Variants in KATNIP observed in about 807,000 individuals in gnomAD.
The protein encoded by KATNIP is katanin interacting protein.
Under a neutral mutation model 174.0 loss-of-function variants are expected in KATNIP, and 126 were observed. The observed-to-expected ratio is 0.72, with a 90% confidence interval of 0.63 to 0.84. KATNIP has a LOEUF of 0.84. KATNIP is among the 40% of genes least tolerant of loss of function. The pLI is 0.00. For synonymous variants in KATNIP, 810 were observed against 835.7 expected, an observed-to-expected ratio of 0.97 and a Z score of 0.53; for missense variants, 1,958 against 2,109.7, an observed-to-expected ratio of 0.93 and a Z score of 1.41.
chr16:27,596,532 T>C (rs566018124), intron 2 of KATNIP, among the ~76,000 whole-genome samples: 1 of 152,298 alleles, frequency 6.6e-6, no homozygotes, highest in South Asian at 2.1e-4. Context: ...TGTGGGACCA[T>C]TGACAACTTT....
chr16:27,695,208 C>G (rs1325596588), intron 8 of KATNIP, among the ~76,000 whole-genome samples: 1 of 152,222 alleles, frequency 6.6e-6, no homozygotes, highest in Non-Finnish European at 1.5e-5. Context: ...GCTTTCACCT[C>G]CTTTCAGTCT....
At chr16:27,743,012 A>G (rs2081164462) in intron 15 of KATNIP, among the ~76,000 whole-genome samples, 1 of 151,896 alleles carries the variant, frequency 6.6e-6, no homozygotes, top group Non-Finnish European at 1.5e-5. Flanking sequence ...CCCTCCTCCC[A>G]CTACACCCCC....
intron 2 of KATNIP, among the ~76,000 whole-genome samples, chr16:27,597,402 CTTTTTTTTTTTTTTTT>C (rs36005993): frequency 1.5e-4 from 7 of 46,144 alleles, no homozygotes; most frequent in Admixed American, 3.4e-4. Context: ...ATTTTCTTTT[CTTTTTTTTTTTTTTTT>C]TTTTTTTTTT....
chr16:27,776,964 A>G lies in KATNIP; in HGVS notation c.4486A>G (p.Thr1496Ala), dbSNP rs1282669384. ...RVYVIFDLPT[T>A]VSMIKLWNYA... ...TTATGTGATTTTCGATCTGCCTACC[A>G]CCGTGTCAATGATCAAACTGTGGAA... Residue 1496 changes from threonine (T) to alanine (A), a missense_variant, in exon 25 of 28, where the codon ACC (threonine) becomes GCC (alanine). This residue lies in a region of KATNIP where 383 missense variants were observed against 456.0 expected (regional missense o/e 0.84). Transcript: ENST00000261588. The surrounding 1 kb of genome is among the most constrained non-coding windows in gnomAD (Gnocchi z 4.7). 1.9e-6 allele frequency: 3 copies of G among 1,613,852 alleles called. No homozygotes were observed. The African/African-American group carries it at 4.0e-5, about 22-fold the overall frequency.
intron 6 of KATNIP, among the ~76,000 whole-genome samples, chr16:27,670,719 C>T (rs1052930573): frequency 2.0e-5 from 3 of 152,122 alleles, no homozygotes; most frequent in East Asian, 3.9e-4. Flanking sequence ...CACCATTCCC[C>T]GCCACTCCTC....
chr16:27,661,967 T>TACAC (rs2077510419), intron 6 of KATNIP, among the ~76,000 whole-genome samples: 2 of 51,772 alleles, frequency 3.9e-5, no homozygotes, highest in African/African-American at 2.0e-4. Flanking sequence ...CACATACATA[T>TACAC]ATATATATAT....
chr16:27,593,741 C>T (rs1000393844), intron 2 of KATNIP, among the ~76,000 whole-genome samples: 2 of 152,166 alleles, frequency 1.3e-5, no homozygotes, highest in African/African-American at 4.8e-5. Flanking sequence ...CTCCTGAGCT[C>T]AATTAATCCT....
At chr16:27,751,977 C>G in intron 17 of KATNIP, 53 bp downstream of exon 17, 1 of 1,460,692 alleles carries the variant, frequency 6.8e-7, no homozygotes, top group South Asian at 1.3e-5. Flanking sequence ...GTTTCTTCCC[C>G]TAACTCAGAG....
Position 27,690,340 on chromosome 16 carries a change from AGATAGATAGATAGATAGATAGAT to A in KATNIP, c.941-7964_941-7942del, listed in dbSNP as rs1305236412. On this transcript the variant is annotated intron_variant, in intron 8 of 27. Coordinates refer to ENST00000261588, the MANE Select transcript of KATNIP (RefSeq NM_015202.5). ...CAGATAGATAGATAGATAGATAGAT[AGATAGATAGATAGATAGATAGAT>A]GATAGATAGATAGATAGATAGATAG... Among the ~76,000 whole-genome samples, 1,299 of 134,612 alleles carry A rather than the reference AGATAGATAGATAGATAGATAGAT, an allele frequency of 9.6e-3. 16 individuals are homozygous for A. Among genetic ancestry groups the A allele is most frequent in the African/African-American group, 0.027 (1,002 of 37,088 alleles). The allele number at this position is 134,612 out of a possible 152,430, so 88.3% of individuals were successfully genotyped here.
At chr16:27,710,828 T>C (rs1029231891) in intron 13 of KATNIP, among the ~76,000 whole-genome samples, 1 of 152,188 alleles carries the variant, frequency 6.6e-6, no homozygotes, top group African/African-American at 2.4e-5. Flanking sequence ...TTATTAATAG[T>C]ATTAATACCA....
intron 8 of KATNIP, among the ~76,000 whole-genome samples, chr16:27,688,048 G>A (rs571544281): frequency 6.6e-4 from 100 of 152,302 alleles, no homozygotes; most frequent in African/African-American, 2.3e-3. Context: ...ATGGTCTCTC[G>A]GGAAGCTGTT....
chr16:27,690,353 G>GATAGATAGATAGATAA (rs2078678034), intron 8 of KATNIP, among the ~76,000 whole-genome samples: 2 of 110,690 alleles, frequency 1.8e-5, no homozygotes, highest in South Asian at 4.7e-4. Flanking sequence ...TAGATAGATA[G>GATAGATAGATAGATAA]ATAGATAGAT....
chr16:27,712,111 C>T (rs2079600179), intron 13 of KATNIP, among the ~76,000 whole-genome samples: 1 of 152,246 alleles, frequency 6.6e-6, no homozygotes, highest in Non-Finnish European at 1.5e-5. Flanking sequence ...TGATTGCTCT[C>T]CCTTTCTTCT....
chr16:27,604,249 C>A (rs1046639225), intron 2 of KATNIP, among the ~76,000 whole-genome samples: 2 of 152,024 alleles, frequency 1.3e-5, no homozygotes, highest in Non-Finnish European at 2.9e-5. Context: ...CAGGCACATG[C>A]CATCATGCCT....
At chr16:27,699,898 ATTTTTTTATTTTATTTATTTT>A (rs1299413628) in intron 10 of KATNIP, among the ~76,000 whole-genome samples, 2 of 151,786 alleles carry the variant, frequency 1.3e-5, no homozygotes, top group African/African-American at 4.8e-5. Flanking sequence ...CTATTTATTT[ATTTTTTTATTTTATTTATTTT>A]TTTTTTTTTG....
At chr16:27,553,061 CTG>C (rs947714285) in intron 1 of KATNIP, among the ~76,000 whole-genome samples, 5 of 152,194 alleles carry the variant, frequency 3.3e-5, no homozygotes, top group African/African-American at 7.2e-5. Context: ...AACTTTTATA[CTG>C]TGTTACATTA....
intron 2 of KATNIP, 35 bp downstream of exon 2, chr16:27,573,991 A>G: frequency 1.3e-6 from 2 of 1,598,162 alleles, no homozygotes; most frequent in South Asian, 2.2e-5. Context: ...GATGGGAGGC[A>G]ACTCTATTTG....
Position 27,753,182 on chromosome 16 carries a change from C to T in KATNIP, c.3553-991C>T, listed in dbSNP as rs557787754. 4.2e-4 allele frequency among the ~76,000 whole-genome samples: 64 copies of T among 152,094 alleles called. 1 individual carries two copies. The highest frequency in any genetic ancestry group is 5.1e-4 in the Non-Finnish European group (35 of 68,022). ...GAAAGCGGCCACCAAGAGGGGCAAG[C>T]CCATTGTTGCCAGTTCTCCTGATTT... is the stretch of plus-strand genomic sequence containing the variant. On this transcript the variant is annotated intron_variant, in intron 17 of 27. Transcript: ENST00000261588.
chr16:27,655,793 C>T (rs1010912104), intron 6 of KATNIP, among the ~76,000 whole-genome samples: 2 of 152,102 alleles, frequency 1.3e-5, no homozygotes, highest in Non-Finnish European at 2.9e-5. Context: ...CTGCTGGAAG[C>T]CCAGGCTCAT....
Sources: gnomAD v4.1 joint callset for allele counts (sites outside exome capture counted in the v4.1 genomes callset) on GRCh38, gnomAD v4.1.1 for gene constraint, gnomAD v4.1.1 regional missense constraint, Gnocchi (gnomAD v3.1) non-coding constraint, MANE v1.5 for transcripts, NCBI Gene and HGNC (gene_info 2026-07-23, HGNC 2026-07-21) for gene names.